SERINC5: variants seen among roughly 807,000 people sequenced by gnomAD.
SERINC5 encodes chromosome 5 open reading frame 12.
A neutral mutation model predicts 63.1 loss-of-function variants in SERINC5; 41 were observed. The ratio of observed to expected loss-of-function variants is 0.65; its 90% confidence interval spans 0.51 to 0.84. The LOEUF is 0.84. Ranked by LOEUF, SERINC5 falls within the 40% of genes least tolerant of loss-of-function variation. SERINC5 has a pLI of 0.00. For missense variants in SERINC5, 523 were observed against 573.0 expected (o/e 0.91, Z 0.89); for synonymous variants, 222 against 215.2 (o/e 1.03, Z -0.28).
At chr5:80,160,265 T>TG (rs1186340979) in intron 7 of SERINC5, among the ~76,000 whole-genome samples, 1 of 152,226 alleles carries the variant, frequency 6.6e-6, no homozygotes, top group Non-Finnish European at 1.5e-5. Flanking sequence ...TGTTGACTGT[T>TG]GTAGTGTGAA....
At chr5:80,189,251 C>T (rs992577524) in intron 2 of SERINC5, among the ~76,000 whole-genome samples, 6 of 152,040 alleles carry the variant, frequency 3.9e-5, no homozygotes, top group African/African-American at 9.7e-5. Context: ...GTGGAGGTGC[C>T]GGCAAGAGAG....
In SERINC5 at chr5:80,185,439, C is replaced by T. The variant is rs140928268; in HGVS notation, c.196-7375G>A. 2.2e-3 allele frequency among the ~76,000 whole-genome samples: 331 copies of T among 152,292 alleles called. 2 individuals carry two copies. Among genetic ancestry groups the T allele is most frequent in the East Asian group, 0.013 (69 of 5,184 alleles). ...GATAACACCTGTGAAGTGCTTACCACGGTTCCTAACCCATAGTAGTCATTA... is the reference window on the plus strand; with the variant it reads ...GATAACACCTGTGAAGTGCTTACCATGGTTCCTAACCCATAGTAGTCATTA... On this transcript the variant is annotated intron_variant, in intron 2 of 11. Coordinates refer to ENST00000507668, the MANE Select transcript of SERINC5 (RefSeq NM_001174072.3).
intron 1 of SERINC5, among the ~76,000 whole-genome samples, chr5:80,220,384 A>G (rs1750850568): frequency 6.6e-6 from 1 of 152,222 alleles, no homozygotes; most frequent in African/African-American, 2.4e-5. Context: ...CCTCAATGCC[A>G]GGCTGACTGA....
chr5:80,169,145 T>C (rs1266863486), intron 6 of SERINC5, among the ~76,000 whole-genome samples, 190 bp downstream of exon 6: 3 of 152,186 alleles, frequency 2.0e-5, no homozygotes, highest in Non-Finnish European at 1.5e-5. Context: ...GAGAAATGCT[T>C]GGCTATCACA....
chr5:80,131,574 G>A (rs1744951517), intron 11 of SERINC5, among the ~76,000 whole-genome samples: 1 of 152,134 alleles, frequency 6.6e-6, no homozygotes, highest in South Asian at 2.1e-4. Flanking sequence ...CACCAGCAAG[G>A]AAGCCAGTAA....
chr5:80,240,933 A>G lies in SERINC5; in HGVS notation c.27+14963T>C, dbSNP rs182955051. 6.4e-3 allele frequency among the ~76,000 whole-genome samples: 982 copies of G among 152,252 alleles called. 2 individuals carry two copies. Among genetic ancestry groups the G allele is most frequent in the South Asian group, 0.032 (153 of 4,826 alleles). On this transcript the variant is annotated intron_variant, in intron 1 of 11. Coordinates refer to ENST00000507668, the MANE Select transcript of SERINC5 (RefSeq NM_001174072.3). ...AGTGATCCGCCCACCTCAGTCCCCA[A>G]AAAGTGCTGGGATTATAGGCATGAG...
intron 11 of SERINC5, among the ~76,000 whole-genome samples, chr5:80,124,132 A>G (rs965696352): frequency 6.6e-6 from 1 of 152,190 alleles, no homozygotes; most frequent in Non-Finnish European, 1.5e-5. Flanking sequence ...CCAATCCAGG[A>G]AGCAAAGCAA....
rs143097343 is a variant in SERINC5 at position 80,173,758 on chromosome 5, C to T, written c.551+1196G>A. On this transcript the variant is annotated intron_variant, in intron 5 of 11. Transcript: ENST00000507668. ...TAGTTCCAGACTACTCCTCCCTCACCTGGATTGACTCCCCCTGACCTCCTT... is the reference window on the plus strand; with the variant it reads ...TAGTTCCAGACTACTCCTCCCTCACTTGGATTGACTCCCCCTGACCTCCTT... 9.2e-3 allele frequency among the ~76,000 whole-genome samples: 1,405 copies of T among 152,126 alleles called. 22 individuals carry two copies. Among genetic ancestry groups the T allele is most frequent in the African/African-American group, 0.032 (1,347 of 41,472 alleles).
At chr5:80,253,320 T>C (rs924776164) in intron 1 of SERINC5, among the ~76,000 whole-genome samples, 4 of 152,180 alleles carry the variant, frequency 2.6e-5, no homozygotes, top group African/African-American at 9.6e-5. Context: ...GGATTTTTGT[T>C]CACTGCCGAA....
chr5:80,246,707 T>C (rs911025586), intron 1 of SERINC5, among the ~76,000 whole-genome samples: 3 of 152,254 alleles, frequency 2.0e-5, no homozygotes, highest in African/African-American at 7.2e-5. Context: ...ACAGATGTTC[T>C]GTGTAATCAC....
chr5:80,253,467 A>G (rs895468917), intron 1 of SERINC5, among the ~76,000 whole-genome samples: 1 of 152,120 alleles, frequency 6.6e-6, no homozygotes, highest in African/African-American at 2.4e-5. Flanking sequence ...CATCCCAATT[A>G]TCTTCTAAGT....
At position 80,142,980 on chromosome 5, in the gene SERINC5, C is replaced by T; in HGVS notation, c.*683G>A. On this transcript the variant is annotated 3_prime_UTR_variant, in exon 12 of 12. Transcript: ENST00000507668. ...CTGGGGGGTGATCAGACAAATTGTG[C>T]TTTTTCACATTATTACAAAGATGTG... 2 of 985,398 alleles carry T rather than the reference C, an allele frequency of 2.0e-6. No homozygotes were observed. Among genetic ancestry groups the T allele is most frequent in the Non-Finnish European group, 2.4e-6 (2 of 829,954 alleles). 61.0% of individuals were successfully genotyped at this position (985,398 alleles called of 1,614,324 possible). A position where few individuals can be genotyped will look rare whatever the true frequency, so the allele number is the denominator to read the frequency against.
chr5:80,168,119 G>A (rs1233108623), intron 6 of SERINC5, among the ~76,000 whole-genome samples: 1 of 151,964 alleles, frequency 6.6e-6, no homozygotes, highest in Non-Finnish European at 1.5e-5. Context: ...TCAATTAAAG[G>A]GATTAGGAGA....
At chr5:80,162,893 C>G (rs1747036213) in intron 7 of SERINC5, among the ~76,000 whole-genome samples, 1 of 151,518 alleles carries the variant, frequency 6.6e-6, no homozygotes, top group Non-Finnish European at 1.5e-5. Context: ...GGCTGGGGTG[C>G]AGGGGTGCTG....
At chr5:80,144,247 AGTCACCAGCTGATG>A (rs1478528375) in intron 11 of SERINC5, among the ~76,000 whole-genome samples, 2 of 152,216 alleles carry the variant, frequency 1.3e-5, no homozygotes, top group African/African-American at 4.8e-5. Flanking sequence ...TTGTTTAGGC[AGTCACCAGCTGATG>A]GTCATTTGGG....
chr5:80,166,146 A>C (rs1747285884), intron 7 of SERINC5, among the ~76,000 whole-genome samples: 1 of 152,202 alleles, frequency 6.6e-6, no homozygotes, highest in Non-Finnish European at 1.5e-5. Context: ...TAAATGTACA[A>C]TTAAATTTGA....
At chr5:80,209,739 T>G (rs1268159145) in intron 1 of SERINC5, among the ~76,000 whole-genome samples, 6 of 152,098 alleles carry the variant, frequency 3.9e-5, no homozygotes, top group Non-Finnish European at 8.8e-5. Context: ...TGAAGAAAAC[T>G]GACTACTTGA....
At chr5:80,150,989 A>G (rs778092069) in intron 8 of SERINC5, 41 bp from the exon 9 acceptor site, 4 of 1,427,304 alleles carry the variant, frequency 2.8e-6, no homozygotes, top group South Asian at 2.3e-5. Flanking sequence ...ATATTAACAC[A>G]TTACAACACA....
At chr5:80,204,275 A>G (rs2112494828) in intron 1 of SERINC5, among the ~76,000 whole-genome samples, 1 of 152,350 alleles carries the variant, frequency 6.6e-6, no homozygotes, top group East Asian at 1.9e-4. Context: ...TGGAAGGCCT[A>G]GATTTGCAAT....
Sources: gnomAD v4.1 joint callset for allele counts (sites outside exome capture counted in the v4.1 genomes callset) on GRCh38, gnomAD v4.1.1 for gene constraint, MANE v1.5 for transcripts, NCBI Gene and HGNC (gene_info 2026-07-23, HGNC 2026-07-21) for gene names.